CNTNAP2: variants seen among roughly 807,000 people sequenced by gnomAD.
CNTNAP2 encodes the protein contactin-associated protein-like 2.
In CNTNAP2, 98 loss-of-function variants were observed where a neutral mutation model predicts 155.2. That is an observed-to-expected ratio of 0.63 (90% CI 0.54 to 0.75). The LOEUF (loss-of-function observed/expected upper bound fraction) is 0.75, where lower values mean the gene tolerates loss of function less well. Ranked by LOEUF, CNTNAP2 falls within the 30% of genes least tolerant of loss-of-function variation. CNTNAP2 has a pLI of 0.00. For missense variants in CNTNAP2, 1,727 were observed against 1,688.1 expected (o/e 1.02, Z -0.40); for synonymous variants, 651 against 631.2 (o/e 1.03, Z -0.47).
intron 15 of CNTNAP2, among the ~76,000 whole-genome samples, chr7:148,076,614 T>A (rs1056384349): frequency 2.6e-5 from 4 of 151,634 alleles, no homozygotes; most frequent in Non-Finnish European, 4.4e-5. Flanking sequence ...TTTTTGTATT[T>A]TTAGTACAGA....
intron 13 of CNTNAP2, among the ~76,000 whole-genome samples, chr7:147,839,939 T>TACACACACACACACACACACACACAC (rs376480999): frequency 6.7e-6 from 1 of 149,746 alleles, no homozygotes; most frequent in African/African-American, 2.5e-5. Flanking sequence ...TATATATGTA[T>TACACACACACACACACACACACACAC]ACACACACAC....
Position 147,994,198 on chromosome 7 carries a change from C to A in CNTNAP2, c.2383+16209C>A, listed in dbSNP as rs560661078. On this transcript the variant is annotated intron_variant, in intron 15 of 23. Coordinates refer to ENST00000361727, the MANE Select transcript of CNTNAP2 (RefSeq NM_014141.6). Reference sequence around the variant, plus strand: ...CCAGCCTGGGCAACATAGCAAGACCCTGTATTTACAAAAAAATAAAATAAT... The same window carrying A: ...CCAGCCTGGGCAACATAGCAAGACCATGTATTTACAAAAAAATAAAATAAT... Among the ~76,000 whole-genome samples, 11 of 152,036 alleles carry A rather than the reference C, an allele frequency of 7.2e-5. No individual in the cohort carries two copies. The South Asian group carries it at 1.7e-3, about 23-fold the overall frequency.
At chr7:146,999,677 T>C (rs1270929036) in intron 3 of CNTNAP2, among the ~76,000 whole-genome samples, 1 of 151,956 alleles carries the variant, frequency 6.6e-6, no homozygotes, top group Non-Finnish European at 1.5e-5. Flanking sequence ...GACAGTTTTT[T>C]CCCCCAGCAC....
intron 13 of CNTNAP2, among the ~76,000 whole-genome samples, chr7:147,708,301 T>C (rs1796348505): frequency 6.6e-6 from 1 of 152,152 alleles, no homozygotes; most frequent in Non-Finnish European, 1.5e-5. Context: ...GCTTTGTTCC[T>C]GGGGATATTG....
At chr7:147,942,574 G>T (rs1038177597) in intron 14 of CNTNAP2, among the ~76,000 whole-genome samples, 1 of 152,112 alleles carries the variant, frequency 6.6e-6, no homozygotes, top group African/African-American at 2.4e-5. Context: ...GTGCAGCAGT[G>T]AATAGCACTG....
intron 1 of CNTNAP2, among the ~76,000 whole-genome samples, chr7:146,563,608 T>C (rs1159170030): frequency 2.6e-5 from 4 of 152,138 alleles, no homozygotes; most frequent in African/African-American, 4.8e-5. Flanking sequence ...TAATATAGTA[T>C]AGTACAGCCA....
chr7:146,162,226 A>C (rs1330433207), intron 1 of CNTNAP2, among the ~76,000 whole-genome samples: 1 of 152,248 alleles, frequency 6.6e-6, no homozygotes, highest in East Asian at 1.9e-4. Context: ...TGAACAGGCA[A>C]GCTACAGAAT....
intron 19 of CNTNAP2, among the ~76,000 whole-genome samples, chr7:148,219,979 G>T (rs912487164): frequency 6.6e-6 from 1 of 152,188 alleles, no homozygotes; most frequent in Admixed American, 6.5e-5. Flanking sequence ...CCCTCTCTAG[G>T]AAATGCACTG....
At chr7:146,203,650 C>G (rs1462324232) in intron 1 of CNTNAP2, among the ~76,000 whole-genome samples, 1 of 152,108 alleles carries the variant, frequency 6.6e-6, no homozygotes, top group Non-Finnish European at 1.5e-5. Flanking sequence ...CCTTCATCCT[C>G]TTTCTCCTCT....
At chr7:147,066,610 C>A (rs1799783538) in intron 4 of CNTNAP2, among the ~76,000 whole-genome samples, 1 of 152,160 alleles carries the variant, frequency 6.6e-6, no homozygotes, top group South Asian at 2.1e-4. Flanking sequence ...AGTGTTCACA[C>A]AGACTCTAAC....
At chr7:147,871,583 T>C (rs1799327035) in intron 13 of CNTNAP2, among the ~76,000 whole-genome samples, 1 of 152,076 alleles carries the variant, frequency 6.6e-6, no homozygotes, top group African/African-American at 2.4e-5. Context: ...TACAACCGGC[T>C]TGGCACGTCC....
rs180940199 is a variant in CNTNAP2, at chr7:146,516,069, A to G, written c.98-258202A>G. ...ACATTTTTTTTCTATGCATTGATCT[A>G]TACATGACAACTCTCATTTCCACTG... is the stretch of plus-strand genomic sequence containing the variant. On this transcript the variant is annotated intron_variant, in intron 1 of 23. Transcript: ENST00000361727. Among the ~76,000 whole-genome samples, 414 of 152,132 alleles carry G rather than the reference A, an allele frequency of 2.7e-3. 4 individuals are homozygous for G. In the Middle Eastern group the frequency reaches 0.065, roughly 24 times the overall value.
chr7:148,373,019 A>G (rs540546194), intron 21 of CNTNAP2, among the ~76,000 whole-genome samples: 74 of 152,302 alleles, frequency 4.9e-4, no homozygotes, highest in African/African-American at 1.4e-3. Flanking sequence ...TTCCACCTGC[A>G]CACCTTGTCA....
intron 1 of CNTNAP2, among the ~76,000 whole-genome samples, chr7:146,561,219 T>C (rs982641374): frequency 2.0e-5 from 3 of 152,092 alleles, no homozygotes; most frequent in African/African-American, 7.2e-5. Flanking sequence ...CTACCCCCTC[T>C]AGGTCAATAA....
chr7:147,003,847 A>T (rs899894951), intron 3 of CNTNAP2, among the ~76,000 whole-genome samples: 1 of 151,936 alleles, frequency 6.6e-6, no homozygotes, highest in East Asian at 1.9e-4. Flanking sequence ...GGACTAATAT[A>T]GTGAGCCCCC....
At chr7:147,997,491 G>T (rs987242393) in intron 15 of CNTNAP2, among the ~76,000 whole-genome samples, 4 of 151,636 alleles carry the variant, frequency 2.6e-5, no homozygotes. Context: ...GGGAGGCGGA[G>T]GTTGTGGTGA....
At chr7:146,927,966 A>G (rs1046458811) in intron 3 of CNTNAP2, among the ~76,000 whole-genome samples, 3 of 145,776 alleles carry the variant, frequency 2.1e-5, no homozygotes, top group Non-Finnish European at 3.0e-5. Context: ...GTGTGTATAT[A>G]TATATATATA....
intron 3 of CNTNAP2, among the ~76,000 whole-genome samples, chr7:146,891,033 C>T (rs1297257084): frequency 6.6e-6 from 1 of 152,142 alleles, no homozygotes; most frequent in Non-Finnish European, 1.5e-5. Flanking sequence ...GTGATACATA[C>T]ATATATATCT....
intron 21 of CNTNAP2, among the ~76,000 whole-genome samples, chr7:148,373,937 C>T (rs1471427060): frequency 6.6e-6 from 1 of 152,216 alleles, no homozygotes; most frequent in Non-Finnish European, 1.5e-5. Context: ...CAAGTTCAGC[C>T]TCAAAGCATT....
Sources: gnomAD v4.1 joint callset for allele counts (sites outside exome capture counted in the v4.1 genomes callset) on GRCh38, gnomAD v4.1.1 for gene constraint, MANE v1.5 for transcripts, NCBI Gene and HGNC (gene_info 2026-07-23, HGNC 2026-07-21) for gene names.